Variants in CTNNA3 observed in about 807,000 individuals in gnomAD.
CTNNA3 encodes catenin alpha 3.
Under a neutral mutation model 95.7 loss-of-function variants are expected in CTNNA3, and 76 were observed. That is an observed-to-expected ratio of 0.79 (90% CI 0.66 to 0.96). CTNNA3 has a LOEUF of 0.96. Among genes scored for constraint, CTNNA3 ranks in the 40% least tolerant of loss-of-function variants. The pLI is 0.00. For synonymous variants in CTNNA3, 431 were observed against 374.4 expected, an observed-to-expected ratio of 1.15 and a Z score of -1.74; for missense variants, 1,191 against 1,089.8, an observed-to-expected ratio of 1.09 and a Z score of -1.31.
At chr10:65,930,564 A>G (rs373822704) in intron 17 of CTNNA3, among the ~76,000 whole-genome samples, 84 of 152,314 alleles carry the variant, frequency 5.5e-4, no homozygotes, top group African/African-American at 1.8e-3. Context: ...CTGAGCATGC[A>G]TATCCCCTCA....
intron 10 of CTNNA3, among the ~76,000 whole-genome samples, chr10:66,574,061 G>T (rs563985145): frequency 6.6e-6 from 1 of 152,158 alleles, no homozygotes; most frequent in Non-Finnish European, 1.5e-5. Flanking sequence ...TTACTCAAAA[G>T]GCTGTCATGT....
chr10:67,405,749 C>A (rs1447167920), intron 5 of CTNNA3, among the ~76,000 whole-genome samples: 1 of 152,188 alleles, frequency 6.6e-6, no homozygotes, highest in Non-Finnish European at 1.5e-5. Context: ...ACAGAATATA[C>A]ATTCTTCTCA....
Position 66,448,092 on chromosome 10 carries a change from G to A in CTNNA3, c.1532-68740C>T, listed in dbSNP as rs982682376. ...CATGAAAAAATGTTCATCATCACTG[G>A]CCATCAGAGAAATGCAAATCAAAAC... is the stretch of plus-strand genomic sequence containing the variant. On this transcript the variant is annotated intron_variant, in intron 11 of 17. Transcript: ENST00000433211. Among the ~76,000 whole-genome samples, 2 of 152,126 alleles carry A rather than the reference G, an allele frequency of 1.3e-5. 1 individual carries two copies. The highest frequency in any genetic ancestry group is 4.2e-4 in the South Asian group (2 of 4,818).
At chr10:67,382,437 A>G (rs1564612939) in intron 5 of CTNNA3, among the ~76,000 whole-genome samples, 1 of 152,172 alleles carries the variant, frequency 6.6e-6, no homozygotes, top group Non-Finnish European at 1.5e-5. Flanking sequence ...TTAAAATAAA[A>G]ATCAACTAAA....
At chr10:67,132,517 G>T (rs1391285060) in intron 7 of CTNNA3, among the ~76,000 whole-genome samples, 1 of 152,012 alleles carries the variant, frequency 6.6e-6, no homozygotes, top group Non-Finnish European at 1.5e-5. Flanking sequence ...AAGAATTGAC[G>T]ATCCTTTCTA....
At chr10:67,538,566 C>A (rs143013180) in intron 4 of CTNNA3, among the ~76,000 whole-genome samples, 1 of 145,200 alleles carries the variant, frequency 6.9e-6, no homozygotes, top group African/African-American at 2.6e-5. Flanking sequence ...GGCGACAGTG[C>A]GAGACTCCAT....
intron 11 of CTNNA3, among the ~76,000 whole-genome samples, chr10:66,425,953 T>C (rs12245834): frequency 0.38 from 57,915 of 151,724 alleles, 11,593 homozygotes; most frequent in African/African-American, 0.5. Context: ...CATAAAATTG[T>C]TTTTTGTCAT....
chr10:66,827,364 T>C lies in CTNNA3; in HGVS notation c.1048-51840A>G, dbSNP rs1842553240. On this transcript the variant is annotated intron_variant, in intron 7 of 17. Transcript: ENST00000433211. ...GACATGTTTATTAATTTGCTTGCTTTCTCTCATGCCCTGCACAATCTCTTC... is the reference window on the plus strand; with the variant it reads ...GACATGTTTATTAATTTGCTTGCTTCCTCTCATGCCCTGCACAATCTCTTC... Among the ~76,000 whole-genome samples the C allele has an allele frequency of 2.6e-5, 4 of 152,338 alleles. No individual in the cohort carries two copies. In the South Asian group the frequency reaches 8.3e-4, roughly 32 times the overall value.
intron 7 of CTNNA3, among the ~76,000 whole-genome samples, chr10:66,941,835 A>G (rs567549311): frequency 8.5e-5 from 13 of 152,356 alleles, no homozygotes; most frequent in Admixed American, 6.5e-4. Context: ...AGTTTTTATT[A>G]TATCAGTACA....
chr10:66,293,229 T>C (rs1171901431), intron 12 of CTNNA3, among the ~76,000 whole-genome samples: 2 of 152,134 alleles, frequency 1.3e-5, no homozygotes, highest in African/African-American at 4.8e-5. Flanking sequence ...AAACTACTGG[T>C]GGCTGAAAAT....
intron 11 of CTNNA3, among the ~76,000 whole-genome samples, chr10:66,380,452 A>G (rs2092828515): frequency 6.6e-6 from 1 of 151,774 alleles, no homozygotes; most frequent in African/African-American, 2.4e-5. Flanking sequence ...TTTACAACAA[A>G]ATAAATTTAG....
intron 1 of CTNNA3, among the ~76,000 whole-genome samples, chr10:67,684,567 C>T (rs959610472): frequency 5.3e-5 from 8 of 152,186 alleles, no homozygotes; most frequent in Non-Finnish European, 1.0e-4. Flanking sequence ...TGGGCGATGA[C>T]CGCTCTAGCT....
chr10:66,226,157 G>C (rs956101409), intron 13 of CTNNA3, among the ~76,000 whole-genome samples: 2 of 151,962 alleles, frequency 1.3e-5, no homozygotes, highest in Non-Finnish European at 2.9e-5. Flanking sequence ...AATATCTCTA[G>C]TTTTCTTCTA....
chr10:66,970,358 C>A (rs1351325972), intron 7 of CTNNA3, among the ~76,000 whole-genome samples: 1 of 152,106 alleles, frequency 6.6e-6, no homozygotes, highest in African/African-American at 2.4e-5. Flanking sequence ...ATATTACCTG[C>A]ATACACAGTC....
At chr10:66,127,271 C>CAA (rs35884096) in intron 13 of CTNNA3, among the ~76,000 whole-genome samples, 109 of 73,844 alleles carry the variant, frequency 1.5e-3, no homozygotes, top group African/African-American at 1.6e-3. Context: ...GACTCTGTCT[C>CAA]AAAAAAAAAA....
chr10:66,017,101 C>T (rs550374104), intron 15 of CTNNA3, among the ~76,000 whole-genome samples: 19 of 152,216 alleles, frequency 1.2e-4, no homozygotes, highest in Non-Finnish European at 2.6e-4. Context: ...GCCTTTTCTT[C>T]AGCAACATGT....
intron 9 of CTNNA3, among the ~76,000 whole-genome samples, chr10:66,732,061 T>C (rs1192990065): frequency 6.6e-6 from 1 of 152,218 alleles, no homozygotes; most frequent in East Asian, 1.9e-4. Flanking sequence ...TAACAGCTGT[T>C]TGTAACATCT....
At chr10:67,710,876 T>C (rs890876984) in intron 1 of CTNNA3, among the ~76,000 whole-genome samples, 1 of 152,184 alleles carries the variant, frequency 6.6e-6, no homozygotes, top group Non-Finnish European at 1.5e-5. Context: ...TGGACCTTGA[T>C]ATAGTTTGGC....
chr10:66,192,039 C>T lies in CTNNA3; in HGVS notation c.1884+88431G>A, dbSNP rs190981120. 9.2e-5 allele frequency among the ~76,000 whole-genome samples: 14 copies of T among 152,270 alleles called. No individual in the cohort carries two copies. The South Asian group carries it at 1.2e-3, about 14-fold the overall frequency. Reference sequence around the variant, plus strand: ...CATCAAAAAGGCCTTCACCAGATGACAGCCTCTTGATATTAGATTTTCCAG... The same window carrying T: ...CATCAAAAAGGCCTTCACCAGATGATAGCCTCTTGATATTAGATTTTCCAG... On this transcript the variant is annotated intron_variant, in intron 13 of 17. Coordinates refer to ENST00000433211, the MANE Select transcript of CTNNA3 (RefSeq NM_013266.4).
Sources: gnomAD v4.1 joint callset for allele counts (sites outside exome capture counted in the v4.1 genomes callset) on GRCh38, gnomAD v4.1.1 for gene constraint, MANE v1.5 for transcripts, NCBI Gene and HGNC (gene_info 2026-07-23, HGNC 2026-07-21) for gene names.